PDZD2: variants seen among roughly 807,000 people sequenced by gnomAD.
PDZD2 encodes PDZ domain containing 2, also known as PDZ domain-containing protein 2.
In PDZD2, 90 loss-of-function variants were observed where a neutral mutation model predicts 220.7. The ratio of observed to expected loss-of-function variants is 0.41; its 90% CI spans 0.34 to 0.49. The LOEUF (loss-of-function observed/expected upper bound fraction) is 0.49. Ranked by LOEUF, PDZD2 falls within the 20% of genes least tolerant of loss-of-function variation. PDZD2 has a pLI of 0.28. For missense variants in PDZD2, 3,174 were observed against 3,608.5 expected, an observed-to-expected ratio of 0.88 and a Z score of 3.08; for synonymous variants, 1,375 against 1,450.5, an observed-to-expected ratio of 0.95 and a Z score of 1.18.
At chr5:31,766,579 A>G (rs1182136700) in intron 1 of PDZD2, among the ~76,000 whole-genome samples, 2 of 152,058 alleles carry the variant, frequency 1.3e-5, no homozygotes, top group Non-Finnish European at 2.9e-5. Flanking sequence ...TTTAGTAGAG[A>G]TGGGGTTTCA....
chr5:32,097,397 T>C lies in PDZD2; in HGVS notation c.7947+17T>C, dbSNP rs1382775246. ...TCAATCACGGTAAGTGACAGAGTCATTAGGCTCTCAGGAAAATCCCCCCTC... is the reference window on the plus strand; with the variant it reads ...TCAATCACGGTAAGTGACAGAGTCACTAGGCTCTCAGGAAAATCCCCCCTC... On this transcript the variant is annotated intron_variant, in intron 22 of 24. Coordinates refer to ENST00000438447, the MANE Select transcript of PDZD2 (RefSeq NM_178140.4). 1.3e-6 allele frequency: 2 copies of C among 1,492,304 alleles called. No individual in the cohort carries two copies. The highest frequency in any genetic ancestry group is 1.1e-5 in the South Asian group (1 of 88,668). The allele number at this position is 1,492,304 out of a possible 1,614,324, so 92.4% of individuals were successfully genotyped here.
At chr5:31,683,457 T>C (rs1382112207) in intron 1 of PDZD2, among the ~76,000 whole-genome samples, 2 of 152,138 alleles carry the variant, frequency 1.3e-5, no homozygotes, top group Non-Finnish European at 2.9e-5. Context: ...TTTTTTTAAA[T>C]GGAAAATATG....
chr5:31,871,483 G>A (rs1044410948), intron 2 of PDZD2, among the ~76,000 whole-genome samples: 7 of 152,178 alleles, frequency 4.6e-5, no homozygotes, highest in South Asian at 2.1e-4. Context: ...AGACAGTCTC[G>A]CTCTGTCATC....
At chr5:31,814,800 A>G (rs1024671089) in intron 2 of PDZD2, among the ~76,000 whole-genome samples, 28 of 151,942 alleles carry the variant, frequency 1.8e-4, no homozygotes, top group Admixed American at 2.6e-4. Flanking sequence ...CCTGGGTGAC[A>G]GCGAGACTCC....
At chr5:31,689,351 ATATT>A (rs1561385143) in intron 1 of PDZD2, among the ~76,000 whole-genome samples, 1 of 28,184 alleles carries the variant, frequency 3.5e-5, no homozygotes, top group African/African-American at 3.0e-4. Context: ...ATATATATAT[ATATT>A]TTTTTTTTTT....
At chr5:31,645,281 G>C (rs1181320344) in intron 1 of PDZD2, among the ~76,000 whole-genome samples, 1 of 151,462 alleles carries the variant, frequency 6.6e-6, no homozygotes, top group Non-Finnish European at 1.5e-5. Flanking sequence ...CTGGTTCTTT[G>C]AGGTGTTTTA....
chr5:31,984,374 A>G (rs948890710), intron 3 of PDZD2, among the ~76,000 whole-genome samples: 15 of 152,160 alleles, frequency 9.9e-5, no homozygotes, highest in African/African-American at 3.6e-4. Context: ...TCCTATGAGA[A>G]TTGCATTTCT....
intron 6 of PDZD2, among the ~76,000 whole-genome samples, chr5:32,031,001 T>A (rs1755072007): frequency 6.6e-6 from 1 of 152,212 alleles, no homozygotes; most frequent in African/African-American, 2.4e-5. Context: ...CATATGCTGA[T>A]CTCTCTTGGG....
intron 6 of PDZD2, among the ~76,000 whole-genome samples, chr5:32,012,925 T>C (rs907108125): frequency 3.3e-5 from 5 of 152,032 alleles, no homozygotes; most frequent in Admixed American, 1.3e-4. Context: ...ATAATTCATA[T>C]GAGTTTTTCC....
Position 32,069,247 on chromosome 5 carries a change from CAG to C in PDZD2, c.2452-316_2452-315del, listed in dbSNP as rs560728778. 1.3e-4 allele frequency among the ~76,000 whole-genome samples: 17 copies of C among 129,138 alleles called. No individual in the cohort carries two copies. The South Asian group carries it at 4.0e-3, about 30-fold the overall frequency. 84.7% of individuals were successfully genotyped at this position (129,138 alleles called of 152,430 possible). On this transcript the variant is annotated intron_variant, in intron 14 of 24. Transcript: ENST00000438447. ...AGACGCTGCACTCCAGCTTGGGTAA[CAG>C]AGAGACTCTGTCTCAAAAAAAAAAA...
At chr5:31,943,209 A>AT (rs1262679665) in intron 2 of PDZD2, among the ~76,000 whole-genome samples, 1 of 151,886 alleles carries the variant, frequency 6.6e-6, no homozygotes, top group Non-Finnish European at 1.5e-5. Flanking sequence ...TCTCCAAAAA[A>AT]AAAAAAATCA....
chr5:31,948,492 T>C (rs1746865712), intron 2 of PDZD2, among the ~76,000 whole-genome samples: 1 of 152,138 alleles, frequency 6.6e-6, no homozygotes, highest in Non-Finnish European at 1.5e-5. Flanking sequence ...TTTCTTTTCC[T>C]CCCCTGGAAA....
intron 2 of PDZD2, among the ~76,000 whole-genome samples, chr5:31,897,714 T>C (rs924631761): frequency 6.7e-6 from 1 of 149,644 alleles, no homozygotes; most frequent in African/African-American, 2.4e-5. Context: ...ATGCAGATGA[T>C]ATAAGGTCTC....
rs1160111594 is a variant in PDZD2, at chr5:31,689,353, A to ATTTTTTTTTTTT, written c.-361+49925_-361+49936dup. On this transcript the variant is annotated intron_variant, in intron 1 of 24. Transcript: ENST00000438447. ...TACATATACATATATATATATATAT[A>ATTTTTTTTTTTT]TTTTTTTTTTTTTTTTTTTTAAGTC... Among the ~76,000 whole-genome samples, 35 of 35,120 alleles carry ATTTTTTTTTTTT rather than the reference A, an allele frequency of 1.0e-3. 1 individual carries two copies. Among genetic ancestry groups the ATTTTTTTTTTTT allele is most frequent in the Non-Finnish European group, 1.1e-3 (27 of 23,912 alleles). The allele number at this position is 35,120 out of a possible 152,430, so 23.0% of individuals were successfully genotyped here.
intron 2 of PDZD2, among the ~76,000 whole-genome samples, chr5:31,895,336 T>C (rs912820334): frequency 6.6e-5 from 10 of 152,258 alleles, no homozygotes; most frequent in African/African-American, 2.4e-4. Context: ...CTCTCATGAA[T>C]GGGATGAGTG....
chr5:31,678,755 C>T (rs1201912756), intron 1 of PDZD2, among the ~76,000 whole-genome samples: 1 of 152,038 alleles, frequency 6.6e-6, no homozygotes, highest in East Asian at 1.9e-4. Context: ...TATAGGTGCT[C>T]GCCACCACAC....
At chr5:31,934,867 A>G (rs1171080343) in intron 2 of PDZD2, among the ~76,000 whole-genome samples, 1 of 152,140 alleles carries the variant, frequency 6.6e-6, no homozygotes, top group Non-Finnish European at 1.5e-5. Context: ...TGGGCAGATC[A>G]CTTGAGACCA....
chr5:32,094,917 C>T (rs1424630069), intron 21 of PDZD2, among the ~76,000 whole-genome samples: 1 of 152,104 alleles, frequency 6.6e-6, no homozygotes, highest in African/African-American at 2.4e-5. Context: ...TAAGCACTTC[C>T]GCTTTCAGTA....
At chr5:31,726,051 C>T (rs560843805) in intron 1 of PDZD2, 122 of 336,764 alleles carry the variant, frequency 3.6e-4, no homozygotes, top group African/African-American at 2.5e-3. Context: ...GGCAGGAGCA[C>T]AGCTCTGGAG....
Sources: gnomAD v4.1 joint callset for allele counts (sites outside exome capture counted in the v4.1 genomes callset) on GRCh38, gnomAD v4.1.1 for gene constraint, MANE v1.5 for transcripts, NCBI Gene and HGNC (gene_info 2026-07-23, HGNC 2026-07-21) for gene names.